NEK8: variants seen among roughly 807,000 people sequenced by gnomAD.
The protein encoded by NEK8 is NIMA related kinase 8.
A neutral mutation model predicts 77.2 loss-of-function variants in NEK8; 51 were observed. The observed-to-expected ratio is 0.66, with a 90% CI of 0.53 to 0.83. The LOEUF is 0.83. Among genes scored for constraint, NEK8 ranks in the 40% least tolerant of loss-of-function variants. The pLI is 0.00. For synonymous variants in NEK8, 365 were observed against 363.2 expected (o/e 1.00, Z -0.06); for missense variants, 787 against 909.2 (o/e 0.87, Z 1.73).
rs373000643 is a variant in NEK8 at position 28,737,744 on chromosome 17, G to A, written c.889+8G>A. On this transcript the variant is annotated splice_region_variant and intron_variant, in intron 6 of 14. Transcript: ENST00000268766. The surrounding 1 kb of genome is among the most constrained non-coding windows in gnomAD (Gnocchi z 4.8). Reference sequence around the variant, plus strand: ...CCAGTGTCCGCTGCAGAGGTAAGTGGGAAGAGGCCGCCAGTCCCCATGGAT... The same window carrying A: ...CCAGTGTCCGCTGCAGAGGTAAGTGAGAAGAGGCCGCCAGTCCCCATGGAT... 2.5e-6 allele frequency: 4 copies of A among 1,614,046 alleles called. No individual in the cohort carries two copies. The highest frequency in any genetic ancestry group is 2.5e-6 in the Non-Finnish European group (3 of 1,180,032).
chr17:28,739,051 G>T, intron 9 of NEK8, 33 bp from the exon 10 acceptor site: 2 of 1,522,392 alleles, frequency 1.3e-6, no homozygotes, highest in Non-Finnish European at 1.8e-6. Context: ...CAGACCCTTT[G>T]CCCAGTTTCT....
Position 28,737,831 on chromosome 17 carries a change from G to T in NEK8, c.902G>T (p.Gly301Val), listed in dbSNP as rs1475249201. Residue 301 changes from glycine to valine, a missense_variant, in exon 7 of 15, where the codon GGA (glycine) becomes GTA (valine). Gly to Val is a moderately radical substitution (Grantham distance 109, BLOSUM62 -3). Transcript: ENST00000268766. This position sits in a 1 kb window ranked among gnomAD's most constrained non-coding sequence, Gnocchi z 4.8. ...ACTGTACCTGCAGGTATCCCCCGGG[G>T]ACCTGTGAGGCCAGCCATCCCACCA... ...TSVRCRGIPR[G>V]PVRPAIPPPL... 3.1e-6 allele frequency: 5 copies of T among 1,614,004 alleles called. No homozygotes were observed. In the African/African-American group the frequency reaches 5.3e-5, roughly 17 times the overall value.
chr17:28,732,372 A>C (rs1464565193), intron 1 of NEK8, among the ~76,000 whole-genome samples: 1 of 151,880 alleles, frequency 6.6e-6, no homozygotes, highest in Non-Finnish European at 1.5e-5. Context: ...AGTGAAAGGG[A>C]CCATTTTGGA....
rs1227431235 is a variant in NEK8, at chr17:28,741,998, T to C, written c.*11T>C. On this transcript the variant is annotated 3_prime_UTR_variant, in exon 15 of 15. Coordinates refer to ENST00000268766, the MANE Select transcript of NEK8 (RefSeq NM_178170.3). This position sits in a 1 kb window ranked among gnomAD's most constrained non-coding sequence, Gnocchi z 4.5. ...CCGGTCCCCCCCTGAGGCACCCGGA[T>C]TCACCTCTGGACCACCCTGATATTG... 2.5e-6 allele frequency: 4 copies of C among 1,613,728 alleles called. No homozygotes were observed. The South Asian group carries it at 4.4e-5, about 18-fold the overall frequency.
Position 28,737,459 on chromosome 17 carries a change from T to C in NEK8, c.772T>C (p.Cys258Arg). The change falls in exon 5 of 15, where the codon TGC becomes CGC. Residue 258 changes from cysteine to arginine, a missense_variant. By Grantham distance (180) the Cys-to-Arg change is radical (BLOSUM62 -3). Around this residue, in one of 2 missense-constraint regions of NEK8, gnomAD observed 271 missense variants for 365.1 expected, o/e 0.74. Transcript: ENST00000268766. The surrounding 1 kb of genome is among the most constrained non-coding windows in gnomAD (Gnocchi z 4.8). The part of the protein sequence containing the change: ...PLSHIMAQPL[C>R]IRALLNLHTD... ...CAGCCACATCATGGCACAGCCCCTC[T>C]GCATCCGTGCCCTCCTCAACCTCCA... is the stretch of plus-strand genomic sequence containing the variant. The C allele has an allele frequency of 1.2e-6, 2 of 1,613,124 alleles. No individual in the cohort carries two copies. The highest frequency in any genetic ancestry group is 1.7e-6 in the Non-Finnish European group (2 of 1,180,006).
chr17:28,734,968 C>T lies in NEK8; in HGVS notation c.450C>T (p.Ile150=), dbSNP rs1480128080. 3 of 1,613,074 alleles carry T rather than the reference C, an allele frequency of 1.9e-6. No homozygotes were observed. In the African/African-American group the frequency reaches 4.0e-5, roughly 22 times the overall value. The stretch of plus-strand genomic sequence containing the variant: ...TCGTCAAGATCGGTGATTTCGGCAT[C>T]TCCAAGATCCTTAGCAGCAAGAGCA... ...RMVVKIGDFG[I]SKILSSKSKA... is the part of the protein sequence containing the mutation. Residue 150 remains isoleucine (I), a synonymous_variant, in exon 3 of 15, where the codon ATC becomes ATT. Transcript: ENST00000268766.
Position 28,738,707 on chromosome 17 carries a change from A to G in NEK8, c.1259A>G (p.Asn420Ser), listed in dbSNP as rs781741330. The change falls in exon 9 of 15, where the codon AAT becomes AGT. Residue 420 changes from asparagine to serine, a missense_variant. Asn to Ser is a conservative substitution (Grantham distance 46). Coordinates refer to ENST00000268766, the MANE Select transcript of NEK8 (RefSeq NM_178170.3). ...GIIMTFGSGS[N>S]GCLGHGSLTD... ...ATCATGACATTCGGCAGCGGCAGCA[A>G]TGGGTGCCTAGGCCATGGCAGCCTC... 1.9e-6 allele frequency: 3 copies of G among 1,614,094 alleles called. No individual in the cohort carries two copies. The East Asian group carries it at 6.7e-5, about 36-fold the overall frequency.
At chr17:28,733,141 A>G (rs1276584925) in intron 1 of NEK8, among the ~76,000 whole-genome samples, 2 of 151,740 alleles carry the variant, frequency 1.3e-5, no homozygotes, top group Non-Finnish European at 2.9e-5. Context: ...TGGCCTCCCA[A>G]AGTGCTGAGA....
Position 28,737,269 on chromosome 17 carries a change from C to T in NEK8, c.619-37C>T, listed in dbSNP as rs762651543. 2.5e-6 allele frequency: 4 copies of T among 1,576,576 alleles called. No individual in the cohort carries two copies. Among genetic ancestry groups the T allele is most frequent in the South Asian group, 1.2e-5 (1 of 86,878 alleles). ...GGGGCTGGAGCTGGGGGGTGCTGCC[C>T]TCACTTCCCCAAATTCTCAACCTGG... On this transcript the variant is annotated intron_variant, in intron 4 of 14. Coordinates refer to ENST00000268766, the MANE Select transcript of NEK8 (RefSeq NM_178170.3). This position sits in a 1 kb window ranked among gnomAD's most constrained non-coding sequence, Gnocchi z 4.8.
rs938356322 is a variant in NEK8 at position 28,741,703 on chromosome 17, G to A, written c.2050+132G>A. 51 of 1,234,772 alleles carry A rather than the reference G, an allele frequency of 4.1e-5. No individual in the cohort carries two copies. The highest frequency in any genetic ancestry group is 5.4e-5 in the Non-Finnish European group (46 of 847,120). The allele number at this position is 1,234,772 out of a possible 1,614,324, so 76.5% of individuals were successfully genotyped here. ...CCCAGATAAAAAAAGCAGAAGCTGC[G>A]GTTGAAAAGCTTCAAGCTTCCTGCC... On this transcript the variant is annotated intron_variant, in intron 14 of 14. Coordinates refer to ENST00000268766, the MANE Select transcript of NEK8 (RefSeq NM_178170.3). The surrounding 1 kb of genome is among the most constrained non-coding windows in gnomAD (Gnocchi z 4.5).
In NEK8 at chr17:28,741,145, C is replaced by A. The variant is rs1217060419; in HGVS notation, c.1800C>A (p.Gly600=). The A allele has an allele frequency of 1.2e-6, 2 of 1,614,016 alleles. No individual in the cohort carries two copies. The highest frequency in any genetic ancestry group is 1.7e-6 in the Non-Finnish European group (2 of 1,180,036). ...AGTTGGGCACCAATACTCGCCGAGG[C>A]AGTCGGGCACCCTGTAAGGTCCAAG... ...HGQLGTNTRR[G]SRAPCKVQGL... Residue 600 remains glycine, a synonymous_variant, in exon 13 of 15, where the codon GGC becomes GGA. Coordinates refer to ENST00000268766, the MANE Select transcript of NEK8 (RefSeq NM_178170.3). The surrounding 1 kb of genome is among the most constrained non-coding windows in gnomAD (Gnocchi z 4.5).
In NEK8 at chr17:28,734,805, G is replaced by A. The variant is rs1381189635; in HGVS notation, c.287G>A (p.Cys96Tyr). The A allele has an allele frequency of 6.2e-7, 1 of 1,613,876 alleles. No homozygotes were observed. Among genetic ancestry groups the A allele is most frequent in the Non-Finnish European group, 8.5e-7 (1 of 1,180,030 alleles). The part of the protein sequence containing the change: ...GTLAEFIQKR[C>Y]NSLLEEETIL... ...CTGGCTGAGTTCATCCAAAAGCGCT[G>A]TAATTCCCTGCTGGAGGAGGAGACC... Residue 96 changes from cysteine (C) to tyrosine (Y), a missense_variant, in exon 3 of 15, where the codon TGT becomes TAT. By Grantham distance (194) the Cys-to-Tyr change is radical (BLOSUM62 -2). Around this residue, in one of 2 missense-constraint regions of NEK8, gnomAD observed 271 missense variants for 365.1 expected, o/e 0.74. Transcript: ENST00000268766.
rs1199578881 is a variant in NEK8, at chr17:28,737,726, C to T, written c.879C>T (p.Val293=). 6.2e-7 allele frequency: 1 copy of T among 1,614,156 alleles called. No individual in the cohort carries two copies. The highest frequency in any genetic ancestry group is 8.5e-7 in the Non-Finnish European group (1 of 1,180,020). ...ACACAGGGAGCAGGACCACCAGTGT[C>T]CGCTGCAGAGGTAAGTGGGAAGAGG... The part of the protein sequence containing the change: ...PSNTGSRTTS[V]RCRGIPRGPV... The change falls in exon 6 of 15, where the codon GTC becomes GTT. Residue 293 remains valine (V), a synonymous_variant. Transcript: ENST00000268766. The surrounding 1 kb of genome is among the most constrained non-coding windows in gnomAD (Gnocchi z 4.8).
At chr17:28,738,298 C>T in intron 8 of NEK8, 53 bp downstream of exon 8, 1 of 1,597,168 alleles carries the variant, frequency 6.3e-7, no homozygotes. Context: ...CACAGAGCAC[C>T]TTCTCTCTTC....
intron 1 of NEK8, among the ~76,000 whole-genome samples, chr17:28,731,690 G>T (rs1018893804): frequency 1.3e-5 from 2 of 148,736 alleles, no homozygotes; most frequent in Admixed American, 6.7e-5. Context: ...TGCAAGCTCC[G>T]CCTCCCAGGT....
In NEK8 at chr17:28,740,745, T is replaced by C. The variant is rs538242600; in HGVS notation, c.1569-77T>C. On this transcript the variant is annotated intron_variant, in intron 11 of 14. Transcript: ENST00000268766. The surrounding 1 kb of genome is among the most constrained non-coding windows in gnomAD (Gnocchi z 4.7). ...AGGGTGCTATTGGTTCAACCCAGGG[T>C]GGGATCTGTCTCCTGGTGCACCAGC... 37 of 1,589,318 alleles carry C rather than the reference T, an allele frequency of 2.3e-5. No homozygotes were observed. In the South Asian group the frequency reaches 2.9e-4, roughly 12 times the overall value.
Position 28,737,828 on chromosome 17 carries a change from G to A in NEK8, c.899G>A (p.Arg300Gln), listed in dbSNP as rs140077709. ...TGCACTGTACCTGCAGGTATCCCCC[G>A]GGGACCTGTGAGGCCAGCCATCCCA... ...TTSVRCRGIP[R>Q]GPVRPAIPPP... is the part of the protein sequence containing the mutation. The change falls in exon 7 of 15, where the codon CGG (arginine) becomes CAG (glutamine). Residue 300 changes from arginine to glutamine, a missense_variant. Coordinates refer to ENST00000268766, the MANE Select transcript of NEK8 (RefSeq NM_178170.3). The surrounding 1 kb of genome is among the most constrained non-coding windows in gnomAD (Gnocchi z 4.8). 140 of 1,614,092 alleles carry A rather than the reference G, an allele frequency of 8.7e-5. No homozygotes were observed. In the African/African-American group the frequency reaches 1.3e-3, roughly 15 times the overall value.
At chr17:28,735,153 A>C in intron 3 of NEK8, 87 bp from the exon 4 acceptor site, 1 of 1,587,352 alleles carries the variant, frequency 6.3e-7, no homozygotes, top group Non-Finnish European at 8.6e-7. Context: ...GCTTGCTTTG[A>C]GAAGAAGCTG....
rs982291329 is a variant in NEK8, at chr17:28,738,079, C to A, written c.1072-16C>A. 3 of 1,612,774 alleles carry A rather than the reference C, an allele frequency of 1.9e-6. No homozygotes were observed. The African/African-American group carries it at 4.0e-5, about 21-fold the overall frequency. On this transcript the variant is annotated splice_polypyrimidine_tract_variant and intron_variant, in intron 7 of 14. Coordinates refer to ENST00000268766, the MANE Select transcript of NEK8 (RefSeq NM_178170.3). Reference sequence around the variant, plus strand: ...GTTGGGGTGCTCAGGCGCTGCCCATCCCCCTGCCCCTGCAGGCCCCACCCC... The same window carrying A: ...GTTGGGGTGCTCAGGCGCTGCCCATACCCCTGCCCCTGCAGGCCCCACCCC...
Sources: gnomAD v4.1 joint callset for allele counts (sites outside exome capture counted in the v4.1 genomes callset) on GRCh38, gnomAD v4.1.1 for gene constraint, gnomAD v4.1.1 regional missense constraint, Gnocchi (gnomAD v3.1) non-coding constraint, MANE v1.5 for transcripts, NCBI Gene and HGNC (gene_info 2026-07-23, HGNC 2026-07-21) for gene names.